IFI44L: variants seen among roughly 807,000 people sequenced by gnomAD.
IFI44L encodes the protein interferon-induced protein 44-like.
In IFI44L, 40 loss-of-function variants were observed where a neutral mutation model predicts 39.3. That is an observed-to-expected ratio of 1.02 (90% CI 0.79 to 1.33). IFI44L has a LOEUF of 1.33. IFI44L is among the 40% of genes most tolerant of loss of function. The pLI is 0.00. For synonymous variants in IFI44L, 198 were observed against 182.3 expected (o/e 1.09, Z -0.69); for missense variants, 623 against 549.0 (o/e 1.13, Z -1.35).
chr1:78,629,829 T>A lies in IFI44L; in HGVS notation c.637T>A (p.Phe213Ile). ...VGPVGSGKSS[F>I]FNSVKSIFHG... Reference sequence around the variant, plus strand: ...TCCAGTTGGGTCTGGAAAGTCCAGTTTTTTCAATTCAGTCAAGTCTATTTT... The same window carrying A: ...TCCAGTTGGGTCTGGAAAGTCCAGTATTTTCAATTCAGTCAAGTCTATTTT... The change falls in exon 4 of 9, where the codon TTT (phenylalanine) becomes ATT (isoleucine). Residue 213 changes from phenylalanine to isoleucine, a missense_variant. Physicochemically the swap from Phe to Ile is conservative, Grantham distance 21. Transcript: ENST00000370751. 6.2e-7 allele frequency: 1 copy of A among 1,613,808 alleles called. No homozygotes were observed. Among genetic ancestry groups the A allele is most frequent in the Non-Finnish European group, 8.5e-7 (1 of 1,179,836 alleles).
At chr1:78,637,903 T>C (rs1653012308) in intron 6 of IFI44L, among the ~76,000 whole-genome samples, 2 of 152,150 alleles carry the variant, frequency 1.3e-5, no homozygotes, top group South Asian at 2.1e-4. Context: ...ACAAAACTCC[T>C]ATCAAGTTTT....
At chr1:78,627,871 A>G (rs1331287178) in intron 1 of IFI44L, 35 bp from the exon 2 acceptor site, 5 of 1,251,776 alleles carry the variant, frequency 4.0e-6, no homozygotes, top group African/African-American at 1.5e-5. Context: ...ACTATATTAT[A>G]TAAGCTTCTC....
intron 1 of IFI44L, among the ~76,000 whole-genome samples, chr1:78,623,008 G>A (rs1379901870): frequency 6.6e-6 from 1 of 152,160 alleles, no homozygotes; most frequent in Non-Finnish European, 1.5e-5. Flanking sequence ...GTTGTTTTAA[G>A]TCTCTAAACG....
intron 6 of IFI44L, among the ~76,000 whole-genome samples, chr1:78,638,136 A>G (rs1012729832): frequency 2.6e-5 from 4 of 152,224 alleles, no homozygotes; most frequent in Non-Finnish European, 5.9e-5. Flanking sequence ...CTCTTCTAAT[A>G]GATGTATGCT....
In IFI44L at chr1:78,641,843, C is replaced by A. The variant is rs777016960; in HGVS notation, c.*34C>A. 5.6e-6 allele frequency: 9 copies of A among 1,606,858 alleles called. No individual in the cohort carries two copies. The highest frequency in any genetic ancestry group is 7.7e-6 in the Non-Finnish European group (9 of 1,173,630). On this transcript the variant is annotated 3_prime_UTR_variant, in exon 9 of 9. Transcript: ENST00000370751. ...GCCTTGATTCTGACATTTGGCCCAG[C>A]CTGTACTGGTGTGCCGCAATGAGAG... is the stretch of plus-strand genomic sequence containing the variant.
In IFI44L at chr1:78,637,485, G is replaced by A. The variant is rs566760961; in HGVS notation, c.1048+282G>A. ...CCTATGTGGGTAGACAGGGAAGATC[G>A]AAACCAGAAAATTGATTATTGTTAA... On this transcript the variant is annotated intron_variant, in intron 6 of 8. Coordinates refer to ENST00000370751, the MANE Select transcript of IFI44L (RefSeq NM_006820.4). Among the ~76,000 whole-genome samples the A allele has an allele frequency of 5.1e-4, 78 of 152,076 alleles. 1 individual carries two copies. The highest frequency in any genetic ancestry group is 1.7e-3 in the African/African-American group (71 of 41,512).
At position 78,642,075 on chromosome 1, in the gene IFI44L, G is replaced by A. The variant is rs1646993696; in HGVS notation, c.*266G>A. ...TTTTAAACCACTGGAGGAAAAATGAGATATTCTCTAATTTATTCTTCTATA... is the reference window on the plus strand; with the variant it reads ...TTTTAAACCACTGGAGGAAAAATGAAATATTCTCTAATTTATTCTTCTATA... On this transcript the variant is annotated 3_prime_UTR_variant, in exon 9 of 9. Transcript: ENST00000370751. 3 of 561,158 alleles carry A rather than the reference G, an allele frequency of 5.3e-6. No homozygotes were observed. Among genetic ancestry groups the A allele is most frequent in the Non-Finnish European group, 9.6e-6 (3 of 313,826 alleles). 34.8% of individuals were successfully genotyped at this position (561,158 alleles called of 1,614,324 possible).
intron 5 of IFI44L, among the ~76,000 whole-genome samples, chr1:78,636,175 C>T (rs1175442784): frequency 6.6e-6 from 1 of 152,052 alleles, no homozygotes; most frequent in Non-Finnish European, 1.5e-5. Context: ...GGAAACCTTA[C>T]CTATGTATTT....
intron 2 of IFI44L, chr1:78,628,612 T>A: frequency 3.7e-6 from 2 of 537,042 alleles, no homozygotes; most frequent in Non-Finnish European, 6.5e-6. Flanking sequence ...TTGAGAAATA[T>A]ATGTGCAGAG....
At chr1:78,625,583 T>G (rs1652454682) in intron 1 of IFI44L, 1 of 152,060 alleles carries the variant, frequency 6.6e-6, no homozygotes, top group African/African-American at 2.4e-5. Flanking sequence ...GAAAACTGGG[T>G]TTTGGTTTTG....
Position 78,622,532 on chromosome 1 carries a change from A to AT in IFI44L, c.-11+1971dup, listed in dbSNP as rs374131840. ...AATAGCTCCTAATTGTCCCTGTCCT[A>AT]TTTTTTTTTTAATACTCATGTCCGT... On this transcript the variant is annotated intron_variant, in intron 1 of 8. Transcript: ENST00000370751. 1.4e-3 allele frequency among the ~76,000 whole-genome samples: 202 copies of AT among 148,708 alleles called. 4 individuals are homozygous for AT. The South Asian group carries it at 0.038, about 28-fold the overall frequency.
In IFI44L at chr1:78,636,993, T is replaced by G. The variant is rs749676524; in HGVS notation, c.877-39T>G. On this transcript the variant is annotated intron_variant, in intron 5 of 8. Coordinates refer to ENST00000370751, the MANE Select transcript of IFI44L (RefSeq NM_006820.4). ...GTGTCTTTAAGGGTTAAACAGAGGC[T>G]CTCTGATTTCTGAATGTTACCTTAT... 43 of 1,484,564 alleles carry G rather than the reference T, an allele frequency of 2.9e-5. No homozygotes were observed. In the African/African-American group the frequency reaches 2.9e-4, roughly 10 times the overall value. The allele number at this position is 1,484,564 out of a possible 1,614,324, so 92.0% of individuals were successfully genotyped here. A position where few individuals can be genotyped will look rare whatever the true frequency, so the allele number is the denominator to read the frequency against.
In IFI44L at chr1:78,635,472, A is replaced by G; in HGVS notation, c.859A>G (p.Met287Val). 1.9e-6 allele frequency: 3 copies of G among 1,612,674 alleles called. No individual in the cohort carries two copies. Among genetic ancestry groups the G allele is most frequent in the Non-Finnish European group, 2.5e-6 (3 of 1,179,464 alleles). ...DDIPHILKGC[M>V]PDRYQFNSRK... is the part of the protein sequence containing the mutation. The stretch of plus-strand genomic sequence containing the variant: ...CATTCCCCACATCTTAAAAGGTTGT[A>G]TGCCAGACAGATATCAGGTAAGATT... Residue 287 changes from methionine (M) to valine (V), a missense_variant, in exon 5 of 9, where the codon ATG (methionine) becomes GTG (valine). Transcript: ENST00000370751.
Position 78,628,316 on chromosome 1 carries a change from A to C in IFI44L, c.401A>C (p.Lys134Thr). Reference protein sequence around the residue: ...ICRDNKIYLDKMITRNLKLRF... With the variant: ...ICRDNKIYLDTMITRNLKLRF... Reference sequence around the variant, plus strand: ...CGAGATAATAAAATTTATCTAGATAAAATGATAACAAGAAACTTGAAACTA... The same window carrying C: ...CGAGATAATAAAATTTATCTAGATACAATGATAACAAGAAACTTGAAACTA... The change falls in exon 2 of 9, where the codon AAA becomes ACA. Residue 134 changes from lysine to threonine, a missense_variant. Physicochemically the swap from Lys to Thr is moderately conservative, Grantham distance 78. Coordinates refer to ENST00000370751, the MANE Select transcript of IFI44L (RefSeq NM_006820.4). The C allele has an allele frequency of 6.2e-7, 1 of 1,602,048 alleles. No individual in the cohort carries two copies. The highest frequency in any genetic ancestry group is 2.2e-5 in the East Asian group (1 of 44,676).
In IFI44L at chr1:78,635,401, C is replaced by T; in HGVS notation, c.788C>T (p.Thr263Ile). 6.2e-7 allele frequency: 1 copy of T among 1,612,944 alleles called. No homozygotes were observed. The highest frequency in any genetic ancestry group is 1.7e-5 in the Admixed American group (1 of 59,978). ...TCTCTGCCATTTATGTTGTGTGACA[C>T]TATGGGGCTAGATGGGGCAGAAGGA... is the stretch of plus-strand genomic sequence containing the variant. ...GKSLPFMLCD[T>I]MGLDGAEGAG... is the part of the protein sequence containing the mutation. The change falls in exon 5 of 9, where the codon ACT becomes ATT. Residue 263 changes from threonine (T) to isoleucine (I), a missense_variant. Transcript: ENST00000370751.
intron 1 of IFI44L, among the ~76,000 whole-genome samples, chr1:78,623,130 G>A (rs898609442): frequency 7.2e-5 from 11 of 152,268 alleles, no homozygotes; most frequent in Admixed American, 7.2e-4. Context: ...TATCATCTGT[G>A]AGCAGAGATG....
intron 1 of IFI44L, among the ~76,000 whole-genome samples, chr1:78,623,759 G>A (rs1487874827): frequency 2.6e-5 from 4 of 152,200 alleles, no homozygotes; most frequent in South Asian, 2.1e-4. Flanking sequence ...AGCTGGAGGT[G>A]TAAGTCCCAG....
chr1:78,633,912 A>G (rs1652845146), intron 4 of IFI44L, among the ~76,000 whole-genome samples: 1 of 152,194 alleles, frequency 6.6e-6, no homozygotes, highest in Admixed American at 6.5e-5. Context: ...CAAATTTCAG[A>G]GATGAAAAAT....
intron 4 of IFI44L, among the ~76,000 whole-genome samples, chr1:78,634,061 G>A (rs903698964): frequency 1.3e-5 from 2 of 151,802 alleles, no homozygotes; most frequent in African/African-American, 4.8e-5. Context: ...AAGGAAGAAA[G>A]CTTATGGGAT....
Sources: allele counts gnomAD v4.1 joint callset (sites outside exome capture counted in the v4.1 genomes callset), GRCh38; gene constraint gnomAD v4.1.1; transcripts MANE v1.5; gene names NCBI Gene and HGNC (gene_info 2026-07-23, HGNC 2026-07-21).